The following NXPH1 variants were observed in gnomAD, a reference collection of about 807,000 sequenced individuals.
The protein encoded by NXPH1 is neurexophilin 1.
NXPH1 carries 5 observed loss-of-function variants against 23.7 expected under a neutral mutation model. The ratio of observed to expected loss-of-function variants is 0.21; its 90% CI spans 0.11 to 0.44. NXPH1 has a LOEUF of 0.44. NXPH1 is among the 20% of genes least tolerant of loss of function. The pLI is 0.99. For synonymous variants in NXPH1, 144 were observed against 122.2 expected (o/e 1.18, Z -1.18); for missense variants, 324 against 321.6 (o/e 1.01, Z -0.06).
At chr7:8,672,340 G>A (rs1242536319) in intron 2 of NXPH1, among the ~76,000 whole-genome samples, 1 of 152,094 alleles carries the variant, frequency 6.6e-6, no homozygotes, top group Non-Finnish European at 1.5e-5. Flanking sequence ...GGTGGGTGGA[G>A]GGATAGCATT....
At chr7:8,455,729 T>G (rs1816583291) in intron 2 of NXPH1, among the ~76,000 whole-genome samples, 1 of 152,234 alleles carries the variant, frequency 6.6e-6, no homozygotes. Flanking sequence ...CAGCATCCTC[T>G]CTTCGTTGCT....
chr7:8,599,864 T>C (rs1355523721), intron 2 of NXPH1, among the ~76,000 whole-genome samples: 3 of 151,498 alleles, frequency 2.0e-5, no homozygotes, highest in African/African-American at 7.3e-5. Flanking sequence ...GTAGCAAATA[T>C]AATTTTCATC....
At chr7:8,632,486 G>C (rs1204877297) in intron 2 of NXPH1, among the ~76,000 whole-genome samples, 1 of 152,100 alleles carries the variant, frequency 6.6e-6, no homozygotes, top group Admixed American at 6.6e-5. Context: ...GTGGTGAGTG[G>C]GAAATCAGTC....
chr7:8,595,603 T>C (rs1211518318), intron 2 of NXPH1, among the ~76,000 whole-genome samples: 1 of 152,104 alleles, frequency 6.6e-6, no homozygotes, highest in Non-Finnish European at 1.5e-5. Context: ...AAGTATTTGA[T>C]AAAATCCAGT....
chr7:8,688,773 T>A (rs1026772647), intron 2 of NXPH1, among the ~76,000 whole-genome samples: 62 of 152,198 alleles, frequency 4.1e-4, no homozygotes, highest in African/African-American at 1.5e-3. Flanking sequence ...TACTTTGACT[T>A]TGCAGATACA....
rs574879340 is a variant in NXPH1 at position 8,607,943 on chromosome 7, G to A, written c.55-143065G>A. On this transcript the variant is annotated intron_variant, in intron 2 of 2. Coordinates refer to ENST00000405863, the MANE Select transcript of NXPH1 (RefSeq NM_152745.3). ...CACACATACCTAGGGAAAATGCCAT[G>A]TGGCGATAGAAGTCAAGATCAGAGT... Among the ~76,000 whole-genome samples the A allele has an allele frequency of 2.6e-5, 4 of 152,358 alleles. No homozygotes were observed. In the South Asian group the frequency reaches 8.3e-4, roughly 32 times the overall value.
chr7:8,603,995 T>C (rs964010352), intron 2 of NXPH1, among the ~76,000 whole-genome samples: 7 of 152,122 alleles, frequency 4.6e-5, no homozygotes, highest in Admixed American at 4.6e-4. Flanking sequence ...AAATCATTGT[T>C]CTTTCTTGGG....
intron 2 of NXPH1, among the ~76,000 whole-genome samples, chr7:8,722,500 A>G (rs1414127022): frequency 6.6e-6 from 1 of 152,182 alleles, no homozygotes; most frequent in South Asian, 2.1e-4. Flanking sequence ...TTTGTGTCCA[A>G]AGTCAACCCA....
At chr7:8,712,022 GC>G (rs1235823056) in intron 2 of NXPH1, among the ~76,000 whole-genome samples, 2 of 152,166 alleles carry the variant, frequency 1.3e-5, no homozygotes, top group African/African-American at 4.8e-5. Context: ...GATCAGCTTG[GC>G]TTTTTATTTC....
chr7:8,633,248 T>C (rs1051275305), intron 2 of NXPH1, among the ~76,000 whole-genome samples: 1 of 152,236 alleles, frequency 6.6e-6, no homozygotes, highest in Non-Finnish European at 1.5e-5. Flanking sequence ...CTGGCTAACA[T>C]GGTGAAACAC....
At chr7:8,587,398 C>T (rs1028050911) in intron 2 of NXPH1, among the ~76,000 whole-genome samples, 1 of 151,868 alleles carries the variant, frequency 6.6e-6, no homozygotes, top group African/African-American at 2.4e-5. Flanking sequence ...CTATAGGCAC[C>T]AACTTTTGAG....
rs1440454940 is a variant in NXPH1, at chr7:8,464,661, C to T, written c.54+28894C>T. ...ACCTAGAAAAGATAACCAATTTCCT[C>T]GTTTATTAAAATCTAGGACAATAAA... is the stretch of plus-strand genomic sequence containing the variant. On this transcript the variant is annotated intron_variant, in intron 2 of 2. Transcript: ENST00000405863. Among the ~76,000 whole-genome samples the T allele has an allele frequency of 2.6e-5, 4 of 152,046 alleles. No individual in the cohort carries two copies. In the East Asian group the frequency reaches 5.8e-4, roughly 22 times the overall value.
chr7:8,569,345 TA>T (rs1295042919), intron 2 of NXPH1, among the ~76,000 whole-genome samples: 3 of 151,940 alleles, frequency 2.0e-5, no homozygotes, highest in Non-Finnish European at 4.4e-5. Flanking sequence ...TGTTAGGATT[TA>T]AATTCAAATA....
Position 8,543,969 on chromosome 7 carries a change from T to C in NXPH1, c.54+108202T>C, listed in dbSNP as rs559466660. Among the ~76,000 whole-genome samples the C allele has an allele frequency of 4.6e-5, 7 of 151,700 alleles. No individual in the cohort carries two copies. The East Asian group carries it at 1.2e-3, about 25-fold the overall frequency. On this transcript the variant is annotated intron_variant, in intron 2 of 2. Transcript: ENST00000405863. ...CTCTCTTATTTTTTCTGGAGGCAAT[T>C]GAGGGCAAAAGAGGTTAAGTGACTT...
intron 2 of NXPH1, among the ~76,000 whole-genome samples, chr7:8,586,685 T>C (rs1818988215): frequency 6.6e-6 from 1 of 151,792 alleles, no homozygotes; most frequent in South Asian, 2.1e-4. Flanking sequence ...TCACATACTG[T>C]AAGTTGGAGA....
At chr7:8,519,190 T>C (rs1324245113) in intron 2 of NXPH1, among the ~76,000 whole-genome samples, 1 of 152,172 alleles carries the variant, frequency 6.6e-6, no homozygotes, top group African/African-American at 2.4e-5. Context: ...TTTTGTATAC[T>C]CTATAAGGGA....
chr7:8,455,459 C>A (rs1816579028), intron 2 of NXPH1, among the ~76,000 whole-genome samples: 1 of 152,132 alleles, frequency 6.6e-6, no homozygotes, highest in African/African-American at 2.4e-5. Context: ...TAATGGAAAT[C>A]AGGACTGTTA....
chr7:8,628,439 A>G (rs1820044901), intron 2 of NXPH1, among the ~76,000 whole-genome samples: 1 of 151,966 alleles, frequency 6.6e-6, no homozygotes, highest in Non-Finnish European at 1.5e-5. Flanking sequence ...AAACCAAACT[A>G]AACCAAAAAC....
intron 2 of NXPH1, among the ~76,000 whole-genome samples, chr7:8,653,674 T>C (rs1449430576): frequency 6.6e-6 from 1 of 152,188 alleles, no homozygotes; most frequent in Non-Finnish European, 1.5e-5. Flanking sequence ...GTCCTCTAAA[T>C]CCTGGGGAAT....
Sources: allele counts gnomAD v4.1 joint callset (sites outside exome capture counted in the v4.1 genomes callset), GRCh38; gene constraint gnomAD v4.1.1; transcripts MANE v1.5; gene names NCBI Gene and HGNC (gene_info 2026-07-23, HGNC 2026-07-21).